Variants in PCDHA4 observed in about 807,000 individuals in gnomAD.
PCDHA4 encodes the protein protocadherin alpha 4, also known as protocadherin alpha-4.
A neutral mutation model predicts 61.4 loss-of-function variants in PCDHA4; 49 were observed. That is an observed-to-expected ratio of 0.80 (90% CI 0.63 to 1.01). The LOEUF (loss-of-function observed/expected upper bound fraction) is 1.01. Among genes scored for constraint, PCDHA4 ranks in the 50% least tolerant of loss-of-function variants. The pLI is 0.00. For synonymous variants in PCDHA4, 590 were observed against 550.3 expected (o/e 1.07, Z -1.01); for missense variants, 1,254 against 1,235.8 (o/e 1.01, Z -0.22).
At chr5:140,862,429 A>G (rs2047360800) in intron 1 of PCDHA4, 1 of 354,378 alleles carries the variant, frequency 2.8e-6, no homozygotes, top group Admixed American at 3.8e-5. Context: ...CCCAGAAACT[A>G]TTCGTTGGTA....
At chr5:141,006,415 G>C (rs185861703) in intron 3 of PCDHA4, among the ~76,000 whole-genome samples, 2 of 152,146 alleles carry the variant, frequency 1.3e-5, no homozygotes, top group African/African-American at 2.4e-5. Flanking sequence ...CGGTTTCACT[G>C]TGTTAGCCAG....
At chr5:140,877,652 C>T (rs1456022709) in intron 1 of PCDHA4, 1 of 1,613,400 alleles carries the variant, frequency 6.2e-7, no homozygotes, top group Non-Finnish European at 8.5e-7. Context: ...TCAGCGCCGC[C>T]CACCGTGAGC....
At chr5:140,967,424 G>A (rs1554229541) in intron 1 of PCDHA4, 4 of 1,613,184 alleles carry the variant, frequency 2.5e-6, no homozygotes, top group Non-Finnish European at 2.5e-6. Context: ...CCGGGAGCAG[G>A]CAGCCTTGCA....
intron 1 of PCDHA4, chr5:140,856,967 A>G (rs782128989): frequency 1.3e-6 from 2 of 1,593,606 alleles, no homozygotes; most frequent in Non-Finnish European, 1.7e-6. Context: ...AAATGATGCT[A>G]TTGACTTTGA....
chr5:140,869,737 C>T (rs781857700), intron 1 of PCDHA4: 4 of 1,613,276 alleles, frequency 2.5e-6, no homozygotes, highest in Admixed American at 1.7e-5. Context: ...TAATTTGCTG[C>T]TAACAGCTAC....
intron 1 of PCDHA4, chr5:140,843,519 G>T (rs2150361744): frequency 6.3e-7 from 1 of 1,595,904 alleles, no homozygotes; most frequent in Non-Finnish European, 8.6e-7. Context: ...GGCGGGTGCC[G>T]GGCGGGCAAG....
At position 140,843,039 on chromosome 5, in the gene PCDHA4, C is replaced by T; in HGVS notation, c.2385+33467C>T. 4.4e-6 allele frequency: 7 copies of T among 1,595,204 alleles called. 1 individual carries two copies. The highest frequency in any genetic ancestry group is 6.0e-6 in the Non-Finnish European group (7 of 1,165,364). ...CTGCTGGAGCCTCGGGTGGGTGGCA[C>T]TGGTGGCGCAGCGAGCAAGCTGGTG... On this transcript the variant is annotated intron_variant, in intron 1 of 3. Coordinates refer to ENST00000530339, the MANE Select transcript of PCDHA4 (RefSeq NM_018907.4).
chr5:140,922,605 A>G (rs1328283001), intron 1 of PCDHA4, among the ~76,000 whole-genome samples: 2 of 152,258 alleles, frequency 1.3e-5, no homozygotes, highest in African/African-American at 4.8e-5. Flanking sequence ...AGTTGAAGAT[A>G]TATTAAAACT....
In PCDHA4 at chr5:140,808,814, C is replaced by G; in HGVS notation, c.1627C>G (p.Pro543Ala). 6.2e-7 allele frequency: 1 copy of G among 1,612,774 alleles called. No individual in the cohort carries two copies. The change falls in exon 1 of 4, where the codon CCA (proline) becomes GCA (alanine). Residue 543 changes from proline (P) to alanine (A), a missense_variant. Coordinates refer to ENST00000530339, the MANE Select transcript of PCDHA4 (RefSeq NM_018907.4). The stretch of plus-strand genomic sequence containing the variant: ...GGTGACCGCTCGCGATGCCGGCGTG[C>G]CACCTCTGGGCAGCAACGTGACGCT... ...FQVTARDAGV[P>A]PLGSNVTLQV...
intron 3 of PCDHA4, among the ~76,000 whole-genome samples, chr5:141,000,038 C>T (rs1554257087): frequency 3.3e-5 from 5 of 152,092 alleles, no homozygotes; most frequent in Non-Finnish European, 5.9e-5. Flanking sequence ...TCCAATCACA[C>T]ACACACCACT....
At chr5:140,932,028 G>T (rs1299372751) in intron 1 of PCDHA4, among the ~76,000 whole-genome samples, 1 of 151,864 alleles carries the variant, frequency 6.6e-6, no homozygotes, top group African/African-American at 2.4e-5. Context: ...TAAGTTTACA[G>T]TATATATTAA....
chr5:140,869,271 G>C (rs2050992128), intron 1 of PCDHA4: 1 of 1,613,468 alleles, frequency 6.2e-7, no homozygotes, highest in Admixed American at 1.7e-5. Flanking sequence ...GGCTGGAGCT[G>C]GCGGAGCTGG....
At chr5:140,836,085 C>T in intron 1 of PCDHA4, 1 of 1,613,676 alleles carries the variant, frequency 6.2e-7, no homozygotes, top group South Asian at 1.1e-5. Flanking sequence ...ACTGCTGGCG[C>T]CTCGGGTGGG....
At chr5:140,937,323 C>T (rs1350536354) in intron 1 of PCDHA4, among the ~76,000 whole-genome samples, 3 of 152,120 alleles carry the variant, frequency 2.0e-5, no homozygotes, top group African/African-American at 7.2e-5. Flanking sequence ...AGGCGTGAGC[C>T]ACCGCGCCCG....
intron 1 of PCDHA4, among the ~76,000 whole-genome samples, chr5:140,897,322 A>C (rs1407696399): frequency 7.4e-6 from 1 of 134,448 alleles, no homozygotes; most frequent in Non-Finnish European, 1.6e-5. Context: ...TCCTAAAGCT[A>C]TCCCTCCCCC....
chr5:140,843,542 T>C lies in PCDHA4; in HGVS notation c.2385+33970T>C, dbSNP rs2150362325. ...CCGGGCGGGCAAGCCCACTCTGGTG[T>C]GCTCCAGTGCGGTGGGGAGCTGGTC... On this transcript the variant is annotated intron_variant, in intron 1 of 3. Coordinates refer to ENST00000530339, the MANE Select transcript of PCDHA4 (RefSeq NM_018907.4). 10 of 1,595,778 alleles carry C rather than the reference T, an allele frequency of 6.3e-6. 1 individual carries two copies. Among genetic ancestry groups the C allele is most frequent in the Non-Finnish European group, 8.6e-6 (10 of 1,165,434 alleles).
chr5:140,966,109 C>G (rs373588380), intron 1 of PCDHA4: 47 of 156,394 alleles, frequency 3.0e-4, no homozygotes, highest in African/African-American at 1.1e-3. Context: ...GCCTGGGTGC[C>G]CATACTTAGC....
chr5:140,884,547 C>G, intron 1 of PCDHA4: 1 of 1,614,214 alleles, frequency 6.2e-7, no homozygotes, highest in East Asian at 2.2e-5. Context: ...AGGGTGTGCT[C>G]TGGGGAGGGC....
At chr5:140,936,242 T>C (rs2090852443) in intron 1 of PCDHA4, among the ~76,000 whole-genome samples, 1 of 152,196 alleles carries the variant, frequency 6.6e-6, no homozygotes, top group African/African-American at 2.4e-5. Flanking sequence ...AAAGAAAACA[T>C]ATCCTGCTTC....
Sources: allele counts gnomAD v4.1 joint callset (sites outside exome capture counted in the v4.1 genomes callset), GRCh38; gene constraint gnomAD v4.1.1; transcripts MANE v1.5; gene names NCBI Gene and HGNC (gene_info 2026-07-23, HGNC 2026-07-21).